NSG2: variants seen among roughly 807,000 people sequenced by gnomAD.
NSG2 encodes the protein neuronal vesicle trafficking-associated protein 2.
NSG2 carries 4 observed loss-of-function variants against 16.9 expected under a neutral mutation model. That is an observed-to-expected ratio of 0.24 (90% CI 0.12 to 0.54). NSG2 has a LOEUF of 0.54. NSG2 is among the 20% of genes least tolerant of loss of function. The pLI is 0.95. For missense variants in NSG2, 179 were observed against 221.1 expected, an observed-to-expected ratio of 0.81 and a Z score of 1.21; for synonymous variants, 98 against 88.7, an observed-to-expected ratio of 1.11 and a Z score of -0.59.
chr5:174,090,890 G>A (rs574186893), intron 3 of NSG2, among the ~76,000 whole-genome samples: 21 of 152,316 alleles, frequency 1.4e-4, no homozygotes, highest in African/African-American at 5.1e-4. Flanking sequence ...AAGAATTACA[G>A]GGAGACATGG....
In NSG2 at chr5:174,108,323, A is replaced by G. The variant is rs556329905; in HGVS notation, c.*818A>G. The G allele has an allele frequency of 1.1e-3, 178 of 155,816 alleles. 1 individual carries two copies. The highest frequency in any genetic ancestry group is 0.011 in the South Asian group (56 of 5,066). 9.7% of individuals were successfully genotyped at this position (155,816 alleles called of 1,614,324 possible). A position where few individuals can be genotyped will look rare whatever the true frequency, so the allele number is the denominator to read the frequency against. On this transcript the variant is annotated 3_prime_UTR_variant, in exon 5 of 5. Transcript: ENST00000303177. ...CTGCCCATGTTGACGAGACAGCAGC[A>G]GGGGGAGAGGGAGGGAAGGAAGGTG...
intron 2 of NSG2, among the ~76,000 whole-genome samples, chr5:174,055,359 C>T (rs970831676): frequency 4.6e-5 from 7 of 152,108 alleles, no homozygotes; most frequent in Middle Eastern, 3.4e-3. Context: ...TTTGGGAAGC[C>T]GAGGTGGGCG....
chr5:174,093,328 T>G (rs1760748714), intron 3 of NSG2, among the ~76,000 whole-genome samples: 1 of 152,170 alleles, frequency 6.6e-6, no homozygotes, highest in Non-Finnish European at 1.5e-5. Flanking sequence ...TCCTGAGGGC[T>G]TTTATGCACT....
intron 3 of NSG2, among the ~76,000 whole-genome samples, chr5:174,078,336 T>G (rs1287389610): frequency 6.6e-6 from 1 of 152,062 alleles, no homozygotes; most frequent in Admixed American, 6.6e-5. Flanking sequence ...CTCATTCATC[T>G]TTTCAAATGT....
rs147708286 is a variant in NSG2, at chr5:174,095,485, G to A, written c.214-8743G>A. Among the ~76,000 whole-genome samples the A allele has an allele frequency of 6.0e-3, 910 of 152,164 alleles. 6 individuals carry two copies. Among genetic ancestry groups the A allele is most frequent in the South Asian group, 0.043 (206 of 4,810 alleles). ...ATGCATCACTCAAATCCCGCCTCCC[G>A]TTTTCATGTGGCTTCTCTTCTTTCT... On this transcript the variant is annotated intron_variant, in intron 3 of 4. Transcript: ENST00000303177.
intron 2 of NSG2, among the ~76,000 whole-genome samples, chr5:174,060,709 T>G (rs1413472899): frequency 1.3e-5 from 2 of 152,208 alleles, no homozygotes; most frequent in Non-Finnish European, 2.9e-5. Flanking sequence ...ACTTGAGATC[T>G]TCTTTCAAGC....
At chr5:174,105,791 T>C (rs1217796437) in intron 4 of NSG2, among the ~76,000 whole-genome samples, 1 of 152,106 alleles carries the variant, frequency 6.6e-6, no homozygotes, top group African/African-American at 2.4e-5. Flanking sequence ...TCCCAGCTAC[T>C]TGGGAGGCTG....
At chr5:174,067,280 G>T (rs1760158284) in intron 3 of NSG2, among the ~76,000 whole-genome samples, 1 of 152,204 alleles carries the variant, frequency 6.6e-6, no homozygotes, top group Admixed American at 6.5e-5. Context: ...AATCCCCTAT[G>T]GCTCCGAGAG....
intron 3 of NSG2, among the ~76,000 whole-genome samples, chr5:174,067,054 A>T (rs1238752368): frequency 1.3e-5 from 2 of 151,714 alleles, no homozygotes; most frequent in South Asian, 2.1e-4. Flanking sequence ...TTGGGCAAAT[A>T]CTTAAAGAGA....
intron 3 of NSG2, among the ~76,000 whole-genome samples, chr5:174,091,501 T>G (rs1044585822): frequency 3.9e-5 from 6 of 152,114 alleles, no homozygotes; most frequent in Admixed American, 2.6e-4. Flanking sequence ...ACTGATGGCC[T>G]TGGGAGCCTG....
chr5:174,107,389 AC>A lies in NSG2; in HGVS notation c.401del (p.Thr134LysfsTer123). 2.5e-6 allele frequency: 4 copies of A among 1,608,488 alleles called. No individual in the cohort carries two copies. The highest frequency in any genetic ancestry group is 3.4e-6 in the Non-Finnish European group (4 of 1,175,594). ...QDPNSRSRFYTVISHYSVAKQ... is the reference protein window; with the variant it reads ...QDPNSRSRFYXVISHYSVAKQ... Reference sequence around the variant, plus strand: ...CCCCAATTCCAGAAGCCGCTTCTACACAGTCATCAGCCACTACAGCGTGGCC... The same window carrying A: ...CCCCAATTCCAGAAGCCGCTTCTACAAGTCATCAGCCACTACAGCGTGGCC... On this transcript the variant is annotated frameshift_variant, in exon 5 of 5. Transcript: ENST00000303177. LOFTEE classifies it high-confidence loss of function. This position sits in a 1 kb window ranked among gnomAD's most constrained non-coding sequence, Gnocchi z 4.5.
At chr5:174,087,558 T>C (rs1760649189) in intron 3 of NSG2, among the ~76,000 whole-genome samples, 1 of 151,780 alleles carries the variant, frequency 6.6e-6, no homozygotes, top group South Asian at 2.1e-4. Context: ...GGTAGGAGGG[T>C]TACTTGAAGC....
At chr5:174,106,732 T>C (rs1760987888) in intron 4 of NSG2, among the ~76,000 whole-genome samples, 2 of 151,794 alleles carry the variant, frequency 1.3e-5, no homozygotes, top group African/African-American at 2.4e-5. Context: ...GTAGCTGGGA[T>C]TACAGGTGTG....
intron 3 of NSG2, among the ~76,000 whole-genome samples, chr5:174,078,120 T>C (rs1561667781): frequency 6.6e-6 from 1 of 152,252 alleles, no homozygotes; most frequent in Non-Finnish European, 1.5e-5. Flanking sequence ...AGTAGCCATG[T>C]GAGCCTAGTG....
At chr5:174,082,788 G>C (rs1366490322) in intron 3 of NSG2, among the ~76,000 whole-genome samples, 1 of 152,138 alleles carries the variant, frequency 6.6e-6, no homozygotes, top group African/African-American at 2.4e-5. Flanking sequence ...ATGGGGTATG[G>C]GACAGTTGTT....
rs997638640 is a variant in NSG2 at position 174,064,290 on chromosome 5, G to A, written c.188G>A (p.Arg63Gln). The change falls in exon 3 of 5, where the codon CGG becomes CAG. Residue 63 changes from arginine (R) to glutamine (Q), a missense_variant. Coordinates refer to ENST00000303177, the MANE Select transcript of NSG2 (RefSeq NM_015980.5). ...GAACAGAAGAACAAAGGGAAGTTCC[G>A]GGTGCCGAAAATCGCTGAATTTACG... The part of the protein sequence containing the change: ...QPEQKNKGKF[R>Q]VPKIAEFTVT... 2 of 1,611,446 alleles carry A rather than the reference G, an allele frequency of 1.2e-6. No homozygotes were observed. Among genetic ancestry groups the A allele is most frequent in the South Asian group, 1.1e-5 (1 of 90,556 alleles).
At chr5:174,054,007 A>G (rs1759930825) in intron 2 of NSG2, among the ~76,000 whole-genome samples, 1 of 152,236 alleles carries the variant, frequency 6.6e-6, no homozygotes. Flanking sequence ...TATTGAAAAG[A>G]ACTGGGAACA....
chr5:174,069,936 A>G (rs369631651), intron 3 of NSG2, among the ~76,000 whole-genome samples: 2 of 146,058 alleles, frequency 1.4e-5, no homozygotes, highest in African/African-American at 5.2e-5. Context: ...GGAGTGCACT[A>G]GCATGATCAT....
chr5:174,094,874 C>A (rs1167745408), intron 3 of NSG2, among the ~76,000 whole-genome samples: 1 of 152,164 alleles, frequency 6.6e-6, no homozygotes, highest in African/African-American at 2.4e-5. Context: ...AATGAATTAG[C>A]CTCTCCCCTA....
Sources: gnomAD v4.1 joint callset for allele counts (sites outside exome capture counted in the v4.1 genomes callset) on GRCh38, gnomAD v4.1.1 for gene constraint, Gnocchi (gnomAD v3.1) non-coding constraint, MANE v1.5 for transcripts, NCBI Gene and HGNC (gene_info 2026-07-23, HGNC 2026-07-21) for gene names.